Variants in REDIC1 observed in about 807,000 individuals in gnomAD.
The protein encoded by REDIC1 is HEI10 Interacting Protein 1.
the REDIC1 span, among the ~76,000 whole-genome samples, chr12:39,788,309 A>G: frequency 5.9e-5 from 9 of 152,146 alleles, no homozygotes; most frequent in Non-Finnish European, 7.4e-5. Flanking sequence ...CAGTATCACT[A>G]CTCTTGTGCT....
chr12:39,895,786 GTA>G, the REDIC1 span, among the ~76,000 whole-genome samples: 5 of 67,158 alleles, frequency 7.4e-5, 1 homozygote, highest in African/African-American at 3.2e-4. Flanking sequence ...GCGTGTATAC[GTA>G]CACACATGTA....
At chr12:39,777,390 AG>A in the REDIC1 span, among the ~76,000 whole-genome samples, 2,327 of 152,336 alleles carry the variant, frequency 0.015, 54 homozygotes, top group African/African-American at 0.051. Context: ...AGAAATCTAC[AG>A]CAGAGAAGTG....
the REDIC1 span, among the ~76,000 whole-genome samples, chr12:39,635,609 A>G: frequency 6.7e-6 from 1 of 150,320 alleles, no homozygotes; most frequent in African/African-American, 2.4e-5. Context: ...CACATGGACA[A>G]AGGATAGGGA....
chr12:39,839,907 C>T, the REDIC1 span, among the ~76,000 whole-genome samples: 1 of 152,066 alleles, frequency 6.6e-6, no homozygotes, highest in Admixed American at 6.6e-5. Flanking sequence ...ACCTATTGTT[C>T]CTTTTGTGTC....
chr12:39,751,096 A>C, the REDIC1 span, among the ~76,000 whole-genome samples: 1 of 152,360 alleles, frequency 6.6e-6, no homozygotes, highest in Non-Finnish European at 1.5e-5. Flanking sequence ...TCTGCACAGC[A>C]AAAGAAACTA....
At chr12:39,695,949 G>C in the REDIC1 span, among the ~76,000 whole-genome samples, 8 of 152,142 alleles carry the variant, frequency 5.3e-5, no homozygotes, top group Admixed American at 1.3e-4. Context: ...AGTGACAAGA[G>C]TCTCTGCTTG....
At chr12:39,711,813 GTGTACACATGCATGTGTATATGTGTGTA>G in the REDIC1 span, among the ~76,000 whole-genome samples, 16 of 89,434 alleles carry the variant, frequency 1.8e-4, no homozygotes, top group African/African-American at 4.6e-4. Flanking sequence ...ATGTGTATGT[GTGTACACATGCATGTGTATATGTGTGTA>G]TACACATGCA....
the REDIC1 span, among the ~76,000 whole-genome samples, chr12:39,740,930 T>A: frequency 1.7e-4 from 26 of 152,198 alleles, no homozygotes; most frequent in African/African-American, 5.8e-4. Flanking sequence ...TAAAACTTAA[T>A]GTAATATGCA....
chr12:39,780,118 G>T, the REDIC1 span, among the ~76,000 whole-genome samples: 1 of 152,146 alleles, frequency 6.6e-6, no homozygotes, highest in Non-Finnish European at 1.5e-5. Context: ...GAGACTTACC[G>T]TATACAAAAC....
chr12:39,659,592 AC>A, the REDIC1 span, among the ~76,000 whole-genome samples: 1 of 152,004 alleles, frequency 6.6e-6, no homozygotes, highest in African/African-American at 2.4e-5. Context: ...CATCTCTAGA[AC>A]TTTGATTTAC....
chr12:39,657,219 A>G, the REDIC1 span, among the ~76,000 whole-genome samples: 2 of 152,120 alleles, frequency 1.3e-5, no homozygotes, highest in Non-Finnish European at 2.9e-5. Context: ...ATGTTTAGAT[A>G]CACAAATATC....
the REDIC1 span, among the ~76,000 whole-genome samples, chr12:39,818,616 A>G: frequency 6.6e-6 from 1 of 152,148 alleles, no homozygotes; most frequent in Non-Finnish European, 1.5e-5. Context: ...TCACCTTTGA[A>G]ATTCTGTTTC....
the REDIC1 span, among the ~76,000 whole-genome samples, chr12:39,740,652 C>T: frequency 3.3e-5 from 5 of 152,078 alleles, no homozygotes; most frequent in Non-Finnish European, 7.4e-5. Flanking sequence ...AGACCCTGTG[C>T]TGTGCTATAG....
chr12:39,794,495 C>A, the REDIC1 span, among the ~76,000 whole-genome samples: 3 of 152,146 alleles, frequency 2.0e-5, no homozygotes, highest in Non-Finnish European at 2.9e-5. Flanking sequence ...TAGACTGTAA[C>A]CTACTCTTGT....
At chr12:39,776,444 G>A in the REDIC1 span, among the ~76,000 whole-genome samples, 1 of 152,132 alleles carries the variant, frequency 6.6e-6, no homozygotes, top group Non-Finnish European at 1.5e-5. Flanking sequence ...GAAGCGGCTT[G>A]GCAAGGGGTG....
At chr12:39,665,596 C>G in the REDIC1 span, among the ~76,000 whole-genome samples, 181 of 150,168 alleles carry the variant, frequency 1.2e-3, no homozygotes, top group Middle Eastern at 3.4e-3. Flanking sequence ...GTAGTTTTTT[C>G]CAATTCTGTG....
chr12:39,856,528 C>T, the REDIC1 span, among the ~76,000 whole-genome samples: 2 of 152,154 alleles, frequency 1.3e-5, no homozygotes, highest in African/African-American at 4.8e-5. Context: ...GCCACCATGC[C>T]CAGCTAATTT....
chr12:39,650,212 G>T, the REDIC1 span: 1 of 1,531,242 alleles, frequency 6.5e-7, no homozygotes, highest in South Asian at 1.3e-5. The surrounding 1 kb of genome is among the most constrained non-coding windows in gnomAD (Gnocchi z 4.3). Context: ...TACTATTTTG[G>T]CAGTTTCTTC....
chr12:39,674,745 C>T, the REDIC1 span, among the ~76,000 whole-genome samples: 2 of 152,130 alleles, frequency 1.3e-5, no homozygotes, highest in African/African-American at 2.4e-5. Context: ...ACTCCTGGTC[C>T]CCAGCTTGAG....
Sources: gnomAD v4.1 joint callset for allele counts (sites outside exome capture counted in the v4.1 genomes callset) on GRCh38, gnomAD v4.1.1 for gene constraint, Gnocchi (gnomAD v3.1) non-coding constraint, MANE v1.5 for transcripts, NCBI Gene and HGNC (gene_info 2026-07-23, HGNC 2026-07-21) for gene names.